The following CNTNAP4 variants were observed in gnomAD, a reference collection of about 807,000 sequenced individuals.
The protein encoded by CNTNAP4 is contactin-associated protein-like 4.
In CNTNAP4, 98 loss-of-function variants were observed where a neutral mutation model predicts 148.4. The observed-to-expected ratio is 0.66, with a 90% CI of 0.56 to 0.78. CNTNAP4 has a LOEUF of 0.78. Among genes scored for constraint, CNTNAP4 ranks in the 30% least tolerant of loss-of-function variants. CNTNAP4 has a pLI of 0.00. For synonymous variants in CNTNAP4, 730 were observed against 565.1 expected, an observed-to-expected ratio of 1.29 and a Z score of -4.14; for missense variants, 1,935 against 1,565.6, an observed-to-expected ratio of 1.24 and a Z score of -3.98.
chr16:76,526,123 G>A (rs74025029), intron 17 of CNTNAP4, among the ~76,000 whole-genome samples: 5,399 of 152,118 alleles, frequency 0.035, 306 homozygotes, highest in African/African-American at 0.12. Flanking sequence ...AGTCTTCTCT[G>A]GAGTCCTCTC....
chr16:76,357,058 A>AACACACACACACAC (rs58020066), intron 3 of CNTNAP4, among the ~76,000 whole-genome samples: 3 of 147,962 alleles, frequency 2.0e-5, no homozygotes, highest in East Asian at 2.0e-4. Context: ...AACAAAACAA[A>AACACACACACACAC]ACACACACAC....
chr16:76,520,503 C>T (rs1451710470), intron 15 of CNTNAP4, among the ~76,000 whole-genome samples: 1 of 152,082 alleles, frequency 6.6e-6, no homozygotes, highest in African/African-American at 2.4e-5. Context: ...AATTTGCTGT[C>T]ATCTACTTCA....
chr16:76,448,726 G>A (rs1446432116), intron 5 of CNTNAP4, 41 bp from the exon 6 acceptor site: 5 of 1,361,300 alleles, frequency 3.7e-6, no homozygotes, highest in Non-Finnish European at 4.9e-6. Context: ...TTTTTCTTTA[G>A]ACTGGCAATA....
At chr16:76,381,878 G>A (rs1308600751) in intron 3 of CNTNAP4, among the ~76,000 whole-genome samples, 3 of 151,952 alleles carry the variant, frequency 2.0e-5, no homozygotes, top group Non-Finnish European at 1.5e-5. Context: ...GGCTAACACG[G>A]TGAAACCCTG....
chr16:76,295,366 T>G lies in CNTNAP4; in HGVS notation c.85+17619T>G, dbSNP rs529939377. Among the ~76,000 whole-genome samples the G allele has an allele frequency of 2.6e-5, 4 of 152,352 alleles. No individual in the cohort carries two copies. The South Asian group carries it at 8.3e-4, about 32-fold the overall frequency. ...TAGGTAAAGCTAAGGACTAAGGATC[T>G]GATCCAGAATCTTGAGGGGTCATTT... On this transcript the variant is annotated intron_variant, in intron 1 of 23. Transcript: ENST00000611870.
chr16:76,449,802 A>C lies in CNTNAP4; in HGVS notation c.1015A>C (p.Asn339His), dbSNP rs1051751175. ...FHGCLENLYY[N>H]GVDIIDLAKQ... ...TGGATGTTTAGAAAATCTCTATTATAATGGAGTGGATATCATTGATTTGGC... is the reference window on the plus strand; with the variant it reads ...TGGATGTTTAGAAAATCTCTATTATCATGGAGTGGATATCATTGATTTGGC... The change falls in exon 7 of 24, where the codon AAT becomes CAT. Residue 339 changes from asparagine to histidine, a missense_variant. Asn to His is a moderately conservative substitution (Grantham distance 68, BLOSUM62 1). Transcript: ENST00000611870. 1.2e-6 allele frequency: 2 copies of C among 1,604,910 alleles called. No individual in the cohort carries two copies. Among genetic ancestry groups the C allele is most frequent in the Non-Finnish European group, 1.7e-6 (2 of 1,175,426 alleles).
At chr16:76,494,279 T>A (rs192020602) in intron 13 of CNTNAP4, among the ~76,000 whole-genome samples, 41 of 152,256 alleles carry the variant, frequency 2.7e-4, no homozygotes, top group Admixed American at 2.2e-3. Flanking sequence ...TTGAGTGTAA[T>A]ATTCGCTTCC....
chr16:76,328,185 T>G (rs1427197762), intron 2 of CNTNAP4, among the ~76,000 whole-genome samples: 1 of 152,222 alleles, frequency 6.6e-6, no homozygotes, highest in East Asian at 1.9e-4. Flanking sequence ...TGGAGAAATC[T>G]GACAAACACC....
intron 3 of CNTNAP4, among the ~76,000 whole-genome samples, chr16:76,385,622 A>G (rs934041353): frequency 2.0e-5 from 3 of 151,984 alleles, no homozygotes; most frequent in African/African-American, 7.3e-5. Context: ...ATTATGTTCT[A>G]TAAAGTTCCT....
intron 13 of CNTNAP4, among the ~76,000 whole-genome samples, chr16:76,491,951 A>G (rs1007460618): frequency 2.6e-5 from 4 of 152,194 alleles, no homozygotes; most frequent in African/African-American, 9.6e-5. Context: ...TGCAATGAAC[A>G]TGGGAGTGAA....
intron 2 of CNTNAP4, among the ~76,000 whole-genome samples, chr16:76,339,809 A>G (rs1354869383): frequency 6.6e-6 from 1 of 152,258 alleles, no homozygotes; most frequent in Non-Finnish European, 1.5e-5. Context: ...TAAAAGTTCC[A>G]TTCAAATATG....
chr16:76,547,395 GA>G (rs1234282179), intron 21 of CNTNAP4, among the ~76,000 whole-genome samples: 2 of 152,020 alleles, frequency 1.3e-5, no homozygotes, highest in Non-Finnish European at 2.9e-5. Context: ...AAAAATGACT[GA>G]AAAAAATCAC....
intron 2 of CNTNAP4, among the ~76,000 whole-genome samples, chr16:76,349,703 A>G (rs190749526): frequency 1.3e-5 from 2 of 152,264 alleles, no homozygotes; most frequent in Non-Finnish European, 2.9e-5. Flanking sequence ...AATTAAGCCA[A>G]TTATTTTCTA....
At chr16:76,406,209 T>A (rs2078595488) in intron 3 of CNTNAP4, among the ~76,000 whole-genome samples, 1 of 152,198 alleles carries the variant, frequency 6.6e-6, no homozygotes, top group South Asian at 2.1e-4. Flanking sequence ...AAATTATTAT[T>A]ATATGTTACG....
In CNTNAP4 at chr16:76,277,721, G is replaced by T. The variant is rs1201561755; in HGVS notation, c.59G>T (p.Trp20Leu). The change falls in exon 1 of 24, where the codon TGG (tryptophan) becomes TTG (leucine). Residue 20 changes from tryptophan to leucine, a missense_variant. Transcript: ENST00000611870. Reference sequence around the variant, plus strand: ...CTACTTCTGTTATCTACTCAAAATTGGAACAGAGTCGAAGCTGGGAATTCC... The same window carrying T: ...CTACTTCTGTTATCTACTCAAAATTTGAACAGAGTCGAAGCTGGGAATTCC... The part of the protein sequence containing the change: ...KTLLLLSTQN[W>L]NRVEAGNSYD... 3 of 1,603,320 alleles carry T rather than the reference G, an allele frequency of 1.9e-6. No individual in the cohort carries two copies. The South Asian group carries it at 3.4e-5, about 18-fold the overall frequency.
Position 76,553,335 on chromosome 16 carries a change from AG to A in CNTNAP4, c.3497del (p.Gly1166AlafsTer14). 6.2e-7 allele frequency: 1 copy of A among 1,612,924 alleles called. No homozygotes were observed. The highest frequency in any genetic ancestry group is 1.1e-5 in the South Asian group (1 of 90,886). ...TALAGAQGFTGCLSAVQLSHV... is the reference protein window; with the variant it reads ...TALAGAQGFTXCLSAVQLSHV... ...CACTGGCAGGTGCGCAGGGCTTCAC[AG>A]GCTGCCTCTCTGCAGTGCAGCTCAG... On this transcript the variant is annotated frameshift_variant, in exon 22 of 24. Coordinates refer to ENST00000611870, the MANE Select transcript of CNTNAP4 (RefSeq NM_033401.5). LOFTEE classifies it high-confidence loss of function.
chr16:76,341,560 G>A (rs777783684), intron 2 of CNTNAP4, among the ~76,000 whole-genome samples: 1 of 152,136 alleles, frequency 6.6e-6, no homozygotes, highest in African/African-American at 2.4e-5. Flanking sequence ...ATGAATGGAA[G>A]GCTAGAATTA....
At chr16:76,546,807 G>C (rs2084757248) in intron 21 of CNTNAP4, among the ~76,000 whole-genome samples, 1 of 152,128 alleles carries the variant, frequency 6.6e-6, no homozygotes, top group Admixed American at 6.5e-5. Context: ...AGAGAAATTT[G>C]AATGCTACCA....
intron 3 of CNTNAP4, among the ~76,000 whole-genome samples, chr16:76,426,170 G>T (rs1376363668): frequency 6.6e-6 from 1 of 152,114 alleles, no homozygotes; most frequent in Non-Finnish European, 1.5e-5. Flanking sequence ...GATTGACAAG[G>T]AGAATCAAAT....
Sources: allele counts gnomAD v4.1 joint callset (sites outside exome capture counted in the v4.1 genomes callset), GRCh38; gene constraint gnomAD v4.1.1; transcripts MANE v1.5; gene names NCBI Gene and HGNC (gene_info 2026-07-23, HGNC 2026-07-21).